The following CCDC73 variants were observed in gnomAD, a reference collection of about 807,000 sequenced individuals.
CCDC73 encodes coiled-coil domain-containing protein 73.
Under a neutral mutation model 116.5 loss-of-function variants are expected in CCDC73, and 95 were observed. The observed-to-expected ratio is 0.82, with a 90% CI of 0.69 to 0.97. CCDC73 has a LOEUF of 0.97. CCDC73 is among the 50% of genes least tolerant of loss of function. CCDC73 has a pLI of 0.00. For missense variants in CCDC73, 1,066 were observed against 1,206.8 expected, an observed-to-expected ratio of 0.88 and a Z score of 1.73; for synonymous variants, 398 against 401.3, an observed-to-expected ratio of 0.99 and a Z score of 0.10.
chr11:32,666,923 A>T (rs923625395), intron 9 of CCDC73, among the ~76,000 whole-genome samples: 4 of 152,026 alleles, frequency 2.6e-5, no homozygotes, highest in African/African-American at 9.7e-5. Context: ...CTGGAGGTCC[A>T]CTCCAGACCC....
At chr11:32,700,011 G>T (rs943634995) in intron 5 of CCDC73, among the ~76,000 whole-genome samples, 2 of 150,212 alleles carry the variant, frequency 1.3e-5, no homozygotes, top group Non-Finnish European at 3.0e-5. Flanking sequence ...TTATAATAAG[G>T]CCTTTATATG....
chr11:32,718,218 G>A, intron 2 of CCDC73, 71 bp from the exon 3 acceptor site: 3 of 1,023,972 alleles, frequency 2.9e-6, no homozygotes, highest in Non-Finnish European at 4.4e-6. Context: ...AGCTCTTTCT[G>A]GAGAGATATA....
chr11:32,792,373 T>C (rs886299014), intron 1 of CCDC73, among the ~76,000 whole-genome samples: 1 of 152,176 alleles, frequency 6.6e-6, no homozygotes, highest in Non-Finnish European at 1.5e-5. Flanking sequence ...TTTACTCATA[T>C]GGTAAAGCTA....
chr11:32,810,597 A>G, the CCDC73 span, among the ~76,000 whole-genome samples: 7 of 150,126 alleles, frequency 4.7e-5, no homozygotes, highest in Non-Finnish European at 1.0e-4. Context: ...TTTAGTTTCT[A>G]TGCCCTGAGG....
At chr11:32,611,427 A>G (rs915483796) in intron 16 of CCDC73, among the ~76,000 whole-genome samples, 162 bp from the exon 17 acceptor site, 5 of 152,254 alleles carry the variant, frequency 3.3e-5, no homozygotes, top group Non-Finnish European at 7.3e-5. Context: ...CTCTTAAATT[A>G]GGCATTTCAT....
the CCDC73 span, among the ~76,000 whole-genome samples, chr11:32,822,000 C>G: frequency 1.5e-4 from 23 of 152,156 alleles, no homozygotes; most frequent in Admixed American, 1.3e-3. Flanking sequence ...TTAATTAATA[C>G]ATCTCTTCTT....
chr11:32,698,702 CAG>C (rs1367842305), intron 6 of CCDC73, among the ~76,000 whole-genome samples: 2 of 152,168 alleles, frequency 1.3e-5, no homozygotes. Context: ...TTCACAAGGG[CAG>C]AGATTTTTGT....
At chr11:32,744,188 C>T (rs1242666932) in intron 2 of CCDC73, among the ~76,000 whole-genome samples, 1 of 152,150 alleles carries the variant, frequency 6.6e-6, no homozygotes, top group Non-Finnish European at 1.5e-5. Context: ...GTCATTTGTT[C>T]TGTTTATGTG....
At chr11:32,782,373 G>C (rs1357278267) in intron 1 of CCDC73, among the ~76,000 whole-genome samples, 1 of 152,176 alleles carries the variant, frequency 6.6e-6, no homozygotes, top group African/African-American at 2.4e-5. Flanking sequence ...GGGGACCACT[G>C]TTCTAGGGAA....
At chr11:32,633,735 G>T (rs1855652897) in intron 14 of CCDC73, among the ~76,000 whole-genome samples, 1 of 152,162 alleles carries the variant, frequency 6.6e-6, no homozygotes, top group African/African-American at 2.4e-5. Context: ...TTTTTTGGGG[G>T]AGGGTGCTGT....
intron 1 of CCDC73, among the ~76,000 whole-genome samples, chr11:32,773,355 T>A (rs764806466): frequency 6.6e-6 from 1 of 152,168 alleles, no homozygotes; most frequent in African/African-American, 2.4e-5. Context: ...TAAAATTGAT[T>A]GTGGTGATGG....
chr11:32,696,649 T>G (rs2133309785), intron 6 of CCDC73, among the ~76,000 whole-genome samples: 2 of 152,210 alleles, frequency 1.3e-5, no homozygotes, highest in South Asian at 4.1e-4. Context: ...TTGCCCAGGC[T>G]GGTCTTGAAC....
intron 1 of CCDC73, among the ~76,000 whole-genome samples, chr11:32,782,129 C>T (rs1850589927): frequency 1.3e-5 from 2 of 152,214 alleles, no homozygotes; most frequent in African/African-American, 4.8e-5. Flanking sequence ...CACTGTCTCC[C>T]ATCACCCCCA....
intron 4 of CCDC73, among the ~76,000 whole-genome samples, chr11:32,701,890 C>G (rs1244957076): frequency 6.6e-6 from 1 of 152,128 alleles, no homozygotes; most frequent in East Asian, 1.9e-4. Flanking sequence ...AGCACACACA[C>G]ACACAAAGAA....
At chr11:32,725,975 G>A (rs1850027158) in intron 2 of CCDC73, among the ~76,000 whole-genome samples, 1 of 152,168 alleles carries the variant, frequency 6.6e-6, no homozygotes, top group Admixed American at 6.6e-5. Context: ...CACTTTTAGA[G>A]TACAAAGTGG....
chr11:32,784,560 T>C (rs963997848), intron 1 of CCDC73, among the ~76,000 whole-genome samples: 7 of 152,132 alleles, frequency 4.6e-5, no homozygotes, highest in Admixed American at 4.6e-4. Context: ...TGGGAAGGCA[T>C]TAGATAATGG....
chr11:32,754,795 C>CCA (rs1288093065), intron 2 of CCDC73, among the ~76,000 whole-genome samples: 1 of 150,882 alleles, frequency 6.6e-6, no homozygotes, highest in Non-Finnish European at 1.5e-5. Flanking sequence ...AAAGAGTTTA[C>CCA]CATTAACAGA....
the CCDC73 span, among the ~76,000 whole-genome samples, chr11:32,829,235 CAGAAAATACA>C: frequency 6.6e-6 from 1 of 151,980 alleles, no homozygotes; most frequent in Non-Finnish European, 1.5e-5. Flanking sequence ...TGGAAAATAC[CAGAAAATACA>C]AGCACGCTCA....
the CCDC73 span, among the ~76,000 whole-genome samples, chr11:32,823,627 GA>G: frequency 0.048 from 6,751 of 139,964 alleles, 465 homozygotes; most frequent in African/African-American, 0.16. Context: ...AGCAAAATTG[GA>G]AAAAAAAAAA....
Sources: allele counts gnomAD v4.1 joint callset (sites outside exome capture counted in the v4.1 genomes callset), GRCh38; gene constraint gnomAD v4.1.1; transcripts MANE v1.5; gene names NCBI Gene and HGNC (gene_info 2026-07-23, HGNC 2026-07-21).